Variants in HAO2 observed in about 807,000 individuals in gnomAD.
HAO2 encodes the protein hydroxyacid oxidase 2, also known as 2-Hydroxyacid oxidase 2.
HAO2 carries 42 observed loss-of-function variants against 37.4 expected under a neutral mutation model. That is an observed-to-expected ratio of 1.12 (90% CI 0.88 to 1.45). The LOEUF (loss-of-function observed/expected upper bound fraction) is 1.45. Among genes scored for constraint, HAO2 ranks in the 40% most tolerant of loss-of-function variants. The pLI is 0.00. For missense variants in HAO2, 476 were observed against 430.2 expected, an observed-to-expected ratio of 1.11 and a Z score of -0.94; for synonymous variants, 180 against 162.8, an observed-to-expected ratio of 1.11 and a Z score of -0.81.
At chr1:119,382,892 G>A (rs189979366) in intron 2 of HAO2, 23 bp from the exon 3 acceptor site, 3 of 1,609,588 alleles carry the variant, frequency 1.9e-6, no homozygotes, top group Admixed American at 3.3e-5. Flanking sequence ...ACCAACAGAA[G>A]ATCTCTTTGT....
intron 1 of HAO2, among the ~76,000 whole-genome samples, chr1:119,371,503 G>A (rs1649007181): frequency 6.6e-6 from 1 of 152,112 alleles, no homozygotes; most frequent in African/African-American, 2.4e-5. Context: ...ATATGTCCAT[G>A]ACATTTTAAT....
chr1:119,381,173 G>A lies in HAO2; in HGVS notation c.88G>A (p.Asp30Asn), dbSNP rs774295485. The A allele has an allele frequency of 6.2e-7, 1 of 1,610,502 alleles. No individual in the cohort carries two copies. The highest frequency in any genetic ancestry group is 1.1e-5 in the South Asian group (1 of 91,004). The change falls in exon 2 of 8, where the codon GAT (aspartate) becomes AAT (asparagine). Residue 30 changes from aspartate to asparagine, a missense_variant. Coordinates refer to ENST00000325945, the MANE Select transcript of HAO2 (RefSeq NM_016527.4). ...STRDFIEGGA[D>N]DSITRDDNIA... Reference sequence around the variant, plus strand: ...TCGGGATTTTATTGAAGGTGGAGCAGATGACAGCATCACGCGGGATGACAA... The same window carrying A: ...TCGGGATTTTATTGAAGGTGGAGCAAATGACAGCATCACGCGGGATGACAA...
chr1:119,374,442 C>T (rs1649281022), intron 1 of HAO2, among the ~76,000 whole-genome samples: 1 of 152,192 alleles, frequency 6.6e-6, no homozygotes, highest in African/African-American at 2.4e-5. Flanking sequence ...CATTTTCAGC[C>T]AACTTTGAAC....
Position 119,380,952 on chromosome 1 carries a change from G to C in HAO2, c.-8-126G>C, listed in dbSNP as rs140394716. On this transcript the variant is annotated intron_variant, in intron 1 of 7. Transcript: ENST00000325945. ...CTGGCTTTAGCAATAACTCTGTTAA[G>C]ATAAGAATACAGGGAGACCAATGTT... The C allele has an allele frequency of 1.4e-3, 1,197 of 838,484 alleles. 8 individuals are homozygous for C. The African/African-American group carries it at 0.017, about 12-fold the overall frequency. The allele number at this position is 838,484 out of a possible 1,614,324, so 51.9% of individuals were successfully genotyped here.
rs186773180 is a variant in HAO2, at chr1:119,372,852, T to C, written c.-9+3950T>C. Among the ~76,000 whole-genome samples, 63 of 152,314 alleles carry C rather than the reference T, an allele frequency of 4.1e-4. 1 individual carries two copies. The highest frequency in any genetic ancestry group is 3.9e-3 in the Admixed American group (59 of 15,294). On this transcript the variant is annotated intron_variant, in intron 1 of 7. Transcript: ENST00000325945. Reference sequence around the variant, plus strand: ...TTCCCTGTTCTATACTTTATTGCCATGAAGTAAATGCTGAACTAGAATGTT... The same window carrying C: ...TTCCCTGTTCTATACTTTATTGCCACGAAGTAAATGCTGAACTAGAATGTT...
At chr1:119,379,679 T>A (rs1649761791) in intron 1 of HAO2, among the ~76,000 whole-genome samples, 1 of 152,194 alleles carries the variant, frequency 6.6e-6, no homozygotes, top group African/African-American at 2.4e-5. Context: ...TAAAAGGTGC[T>A]ATGGCTGGGC....
rs183835953 is a variant in HAO2 at position 119,383,776 on chromosome 1, G to A, written c.283+710G>A. Among the ~76,000 whole-genome samples the A allele has an allele frequency of 2.8e-4, 43 of 152,114 alleles. No individual in the cohort carries two copies. In the South Asian group the frequency reaches 5.4e-3, roughly 19 times the overall value. On this transcript the variant is annotated intron_variant, in intron 3 of 7. Coordinates refer to ENST00000325945, the MANE Select transcript of HAO2 (RefSeq NM_016527.4). ...CATCTGTTTTTGTGAATTTCTCAGC[G>A]CTTCCCTGAGGTCTTTTCCTTTGAC...
chr1:119,385,949 C>T (rs887942431), intron 4 of HAO2: 1 of 929,486 alleles, frequency 1.1e-6, no homozygotes, highest in Admixed American at 6.2e-5. Context: ...CTGGGTATGC[C>T]TCAACCGTAA....
intron 5 of HAO2, among the ~76,000 whole-genome samples, chr1:119,389,157 T>C (rs1360478541): frequency 2.3e-5 from 2 of 86,404 alleles, no homozygotes; most frequent in African/African-American, 8.5e-5. Context: ...TATATATATA[T>C]ATATATATAT....
At chr1:119,386,338 C>T (rs1437728520) in intron 4 of HAO2, among the ~76,000 whole-genome samples, 4 of 152,194 alleles carry the variant, frequency 2.6e-5, no homozygotes, top group African/African-American at 7.2e-5. Context: ...TTCAGCCTCC[C>T]GAGTAGCTGG....
intron 2 of HAO2, among the ~76,000 whole-genome samples, chr1:119,381,669 G>A (rs143296769): frequency 6.6e-6 from 1 of 152,148 alleles, no homozygotes; most frequent in Non-Finnish European, 1.5e-5. Flanking sequence ...CAGGGGAGAA[G>A]AGTTGGTCTG....
Position 119,383,044 on chromosome 1 carries a change from T to C in HAO2, c.261T>C (p.Asp87=), listed in dbSNP as rs372198253. 28 of 1,612,866 alleles carry C rather than the reference T, an allele frequency of 1.7e-5. No individual in the cohort carries two copies. Among genetic ancestry groups the C allele is most frequent in the Non-Finnish European group, 2.1e-5 (25 of 1,179,482 alleles). Residue 87 remains aspartate, a synonymous_variant, in exon 3 of 8, where the codon GAT becomes GAC. Coordinates refer to ENST00000325945, the MANE Select transcript of HAO2 (RefSeq NM_016527.4). Reference sequence around the variant, plus strand: ...GGTTCCACTGCCTTGTCTGGCCTGATGGGGAAATGAGCACAGCAAGAGGTA... The same window carrying C: ...GGTTCCACTGCCTTGTCTGGCCTGACGGGGAAATGAGCACAGCAAGAGGTA... ...PTGFHCLVWP[D]GEMSTARAAQ...
chr1:119,391,942 G>A (rs1217108901), intron 5 of HAO2, among the ~76,000 whole-genome samples, 168 bp from the exon 6 acceptor site: 1 of 152,134 alleles, frequency 6.6e-6, no homozygotes, highest in Non-Finnish European at 1.5e-5. Flanking sequence ...AGGGCCTCAG[G>A]AATGTGACTG....
chr1:119,385,008 G>A lies in HAO2; in HGVS notation c.516G>A (p.Gln172=). The A allele has an allele frequency of 6.2e-7, 1 of 1,613,894 alleles. No individual in the cohort carries two copies. Among genetic ancestry groups the A allele is most frequent in the African/African-American group, 1.3e-5 (1 of 75,042 alleles). Residue 172 remains glutamine (Q), a synonymous_variant, in exon 4 of 8, where the codon CAG becomes CAA. Transcript: ENST00000325945. ...ACAGGCGACATGACATTCGAAACCA[G>A]TTGAGGAGGAACTTAACACTAACAG... The part of the protein sequence containing the change: ...CGNRRHDIRN[Q]LRRNLTLTDL...
chr1:119,380,481 T>C (rs1038918773), intron 1 of HAO2: 5 of 495,434 alleles, frequency 1.0e-5, no homozygotes, highest in African/African-American at 2.0e-5. Flanking sequence ...TGTCTTGTCC[T>C]TTCCCCACTC....
chr1:119,375,929 G>A (rs764321828), intron 1 of HAO2, among the ~76,000 whole-genome samples: 2 of 152,100 alleles, frequency 1.3e-5, no homozygotes, highest in Non-Finnish European at 2.9e-5. Context: ...GATTATGGGA[G>A]CTAAAATTCA....
intron 1 of HAO2, among the ~76,000 whole-genome samples, chr1:119,371,053 A>G (rs1426035785): frequency 6.6e-6 from 1 of 152,206 alleles, no homozygotes; most frequent in Admixed American, 6.5e-5. Context: ...ACAGTGTCAC[A>G]TAGAACTCCT....
At chr1:119,388,374 G>T (rs1312261345) in intron 5 of HAO2, among the ~76,000 whole-genome samples, 3 of 152,162 alleles carry the variant, frequency 2.0e-5, no homozygotes, top group Non-Finnish European at 4.4e-5. Flanking sequence ...AGCTGGTCTT[G>T]TTCTTTTGGA....
chr1:119,382,201 G>C lies in HAO2; in HGVS notation c.132-714G>C, dbSNP rs1650000843. Among the ~76,000 whole-genome samples, 7 of 152,242 alleles carry C rather than the reference G, an allele frequency of 4.6e-5. 1 individual carries two copies. The Middle Eastern group carries it at 0.017, about 370-fold the overall frequency. On this transcript the variant is annotated intron_variant, in intron 2 of 7. Coordinates refer to ENST00000325945, the MANE Select transcript of HAO2 (RefSeq NM_016527.4). ...GATTATTATTCCTATTTCAGATGAA[G>C]TGACTGAGGCTACCTTACTCAAATT...
Sources: gnomAD v4.1 joint callset for allele counts (sites outside exome capture counted in the v4.1 genomes callset) on GRCh38, gnomAD v4.1.1 for gene constraint, MANE v1.5 for transcripts, NCBI Gene and HGNC (gene_info 2026-07-23, HGNC 2026-07-21) for gene names.